The following SFXN5 variants were observed in gnomAD, a reference collection of about 807,000 sequenced individuals.
The protein encoded by SFXN5 is sideroflexin-5.
A neutral mutation model predicts 50.2 loss-of-function variants in SFXN5; 43 were observed. That is an observed-to-expected ratio of 0.86 (90% CI 0.67 to 1.11). The LOEUF is 1.11. SFXN5 is among the 50% of genes least tolerant of loss of function. The pLI is 0.00. For missense variants in SFXN5, 463 were observed against 454.1 expected, an observed-to-expected ratio of 1.02 and a Z score of -0.18; for synonymous variants, 203 against 185.8, an observed-to-expected ratio of 1.09 and a Z score of -0.75.
At chr2:73,060,083 G>A (rs985011037) in intron 1 of SFXN5, among the ~76,000 whole-genome samples, 27 of 152,174 alleles carry the variant, frequency 1.8e-4, no homozygotes, top group Admixed American at 7.2e-4. Flanking sequence ...AACAGAGCTA[G>A]ACAGATACTA....
chr2:72,981,952 T>C (rs1671349759), intron 10 of SFXN5, among the ~76,000 whole-genome samples: 2 of 144,420 alleles, frequency 1.4e-5, no homozygotes. Context: ...TTATTGCCCT[T>C]ATCACTGGAA....
intron 3 of SFXN5, 59 bp downstream of exon 3, chr2:73,040,795 G>T: frequency 7.0e-7 from 1 of 1,422,996 alleles, no homozygotes; most frequent in Non-Finnish European, 9.8e-7. Context: ...AAGGGTTTGT[G>T]AATTTCTCAC....
At chr2:72,966,901 TA>T (rs1674480117) in intron 12 of SFXN5, among the ~76,000 whole-genome samples, 1 of 152,208 alleles carries the variant, frequency 6.6e-6, no homozygotes, top group Admixed American at 6.5e-5. Context: ...ACCACCCTTA[TA>T]AACACACAGG....
intron 11 of SFXN5, 49 bp downstream of exon 11, chr2:72,971,521 C>G: frequency 7.2e-7 from 1 of 1,387,314 alleles, no homozygotes; most frequent in Non-Finnish European, 1.0e-6. Flanking sequence ...GAAAACCACT[C>G]CCCTCCCCTG....
intron 3 of SFXN5, among the ~76,000 whole-genome samples, chr2:73,033,290 G>A (rs1678550278): frequency 6.6e-6 from 1 of 152,162 alleles, no homozygotes; most frequent in Non-Finnish European, 1.5e-5. Flanking sequence ...ACAAAAACAG[G>A]CCAAAATCTC....
chr2:72,974,729 T>A (rs1163862162), intron 10 of SFXN5, among the ~76,000 whole-genome samples: 1 of 152,028 alleles, frequency 6.6e-6, no homozygotes, highest in Non-Finnish European at 1.5e-5. Flanking sequence ...CATGAGCTCA[T>A]CCCAAACTTT....
At chr2:73,054,552 G>A (rs949330316) in intron 2 of SFXN5, among the ~76,000 whole-genome samples, 1 of 152,064 alleles carries the variant, frequency 6.6e-6, no homozygotes, top group Admixed American at 6.6e-5. Context: ...AAAAGGGAGC[G>A]GGGACCCTCC....
intron 6 of SFXN5, among the ~76,000 whole-genome samples, chr2:73,015,767 T>C (rs571696849): frequency 4.6e-5 from 7 of 152,240 alleles, no homozygotes; most frequent in African/African-American, 1.7e-4. Context: ...TTCCTTTTAT[T>C]TATAGGTCTA....
chr2:73,033,888 T>C (rs1256189961), intron 3 of SFXN5, among the ~76,000 whole-genome samples: 6 of 152,176 alleles, frequency 3.9e-5, no homozygotes, highest in African/African-American at 1.4e-4. Context: ...GGGAAGCTAA[T>C]GGCATCTACT....
intron 6 of SFXN5, among the ~76,000 whole-genome samples, chr2:73,015,773 G>A (rs1163671156): frequency 6.6e-6 from 1 of 151,878 alleles, no homozygotes. Flanking sequence ...TTATTTATAG[G>A]TCTATTCAGA....
At chr2:73,035,435 T>A (rs918360903) in intron 3 of SFXN5, among the ~76,000 whole-genome samples, 1 of 152,140 alleles carries the variant, frequency 6.6e-6, no homozygotes, top group Non-Finnish European at 1.5e-5. Context: ...AACCCAAAAG[T>A]TAAATTATAC....
At chr2:73,021,398 C>T (rs1043872339) in intron 5 of SFXN5, among the ~76,000 whole-genome samples, 4 of 152,110 alleles carry the variant, frequency 2.6e-5, no homozygotes, top group African/African-American at 7.2e-5. Flanking sequence ...GCAGGAGAAT[C>T]GCTTGAATCT....
At chr2:73,007,700 G>T (rs920625103) in intron 6 of SFXN5, among the ~76,000 whole-genome samples, 1 of 151,998 alleles carries the variant, frequency 6.6e-6, no homozygotes, top group African/African-American at 2.4e-5. Context: ...ACACTGACTC[G>T]CTCAACTCCA....
In SFXN5 at chr2:72,950,449, G is replaced by A. The variant is rs1391569903; in HGVS notation, c.946-5350C>T. On this transcript the variant is annotated intron_variant, in intron 13 of 13. Coordinates refer to ENST00000272433, the MANE Select transcript of SFXN5 (RefSeq NM_144579.3). This position sits in a 1 kb window ranked among gnomAD's most constrained non-coding sequence, Gnocchi z 4.2. ...TTGTTAGGACCCCTCCAGCTCTCTGGCCATGGCCAGGTGTTGGGTCAGTGG... is the reference window on the plus strand; with the variant it reads ...TTGTTAGGACCCCTCCAGCTCTCTGACCATGGCCAGGTGTTGGGTCAGTGG... 2.0e-5 allele frequency among the ~76,000 whole-genome samples: 3 copies of A among 152,178 alleles called. No homozygotes were observed. The highest frequency in any genetic ancestry group is 4.4e-5 in the Non-Finnish European group (3 of 68,020).
intron 9 of SFXN5, among the ~76,000 whole-genome samples, chr2:72,989,229 A>G (rs1672280700): frequency 1.3e-5 from 2 of 151,848 alleles, no homozygotes; most frequent in Non-Finnish European, 2.9e-5. Flanking sequence ...GGGCCTTTGC[A>G]GTGCTGGTCC....
intron 13 of SFXN5, among the ~76,000 whole-genome samples, chr2:72,956,434 G>A (rs954652558): frequency 1.3e-5 from 2 of 152,152 alleles, no homozygotes; most frequent in African/African-American, 4.8e-5. Flanking sequence ...GGAGGGCTGG[G>A]TGAGGGCACT....
chr2:72,988,478 C>A (rs1672179476), intron 9 of SFXN5, 130 bp from the exon 10 acceptor site: 2 of 778,242 alleles, frequency 2.6e-6, no homozygotes, highest in Non-Finnish European at 4.1e-6. Flanking sequence ...GCACCTCACA[C>A]CCCTAATCCT....
rs150229907 is a variant in SFXN5 at position 72,968,468 on chromosome 2, G to C, written c.807C>G (p.Ile269Met). Residue 269 changes from isoleucine (I) to methionine (M), a missense_variant, in exon 12 of 14, where the codon ATC becomes ATG. Transcript: ENST00000272433. ...LPMPILVLPP[I>M]VMSMLEKTAL... ...CTCACTTCTCCAGCATGGACATGACGATCGGGGGTAGCACCAGGATGGGCA... is the reference window on the plus strand; with the variant it reads ...CTCACTTCTCCAGCATGGACATGACCATCGGGGGTAGCACCAGGATGGGCA... 6.2e-7 allele frequency: 1 copy of C among 1,612,712 alleles called. No homozygotes were observed. Among genetic ancestry groups the C allele is most frequent in the East Asian group, 2.2e-5 (1 of 44,800 alleles).
chr2:73,050,734 C>T (rs1368661223), intron 2 of SFXN5, among the ~76,000 whole-genome samples: 3 of 152,226 alleles, frequency 2.0e-5, no homozygotes, highest in Non-Finnish European at 4.4e-5. Flanking sequence ...ACCTGGCTTC[C>T]TTCTAGCCAT....
Sources: gnomAD v4.1 joint callset for allele counts (sites outside exome capture counted in the v4.1 genomes callset) on GRCh38, gnomAD v4.1.1 for gene constraint, Gnocchi (gnomAD v3.1) non-coding constraint, MANE v1.5 for transcripts, NCBI Gene and HGNC (gene_info 2026-07-23, HGNC 2026-07-21) for gene names.